DPP6: variants seen among roughly 807,000 people sequenced by gnomAD.
DPP6 encodes the protein dipeptidyl peptidase like 6.
A neutral mutation model predicts 122.6 loss-of-function variants in DPP6; 69 were observed. The observed-to-expected ratio is 0.56, with a 90% CI of 0.46 to 0.69. The LOEUF (loss-of-function observed/expected upper bound fraction) is 0.69. Ranked by LOEUF, DPP6 falls within the 30% of genes least tolerant of loss-of-function variation. The pLI is 0.00. For missense variants in DPP6, 928 were observed against 1,116.9 expected (o/e 0.83, Z 2.41); for synonymous variants, 418 against 433.1 (o/e 0.97, Z 0.43).
chr7:153,790,500 A>G, the DPP6 span, among the ~76,000 whole-genome samples: 1 of 152,182 alleles, frequency 6.6e-6, no homozygotes, highest in Non-Finnish European at 1.5e-5. Flanking sequence ...GTTTAATTGT[A>G]TTTGGCTTTA....
intron 3 of DPP6, among the ~76,000 whole-genome samples, chr7:154,504,760 A>G (rs1298071697): frequency 6.6e-6 from 1 of 152,042 alleles, no homozygotes; most frequent in Non-Finnish European, 1.5e-5. Context: ...TTGGTTAAAA[A>G]GACAAAACGG....
intron 5 of DPP6, among the ~76,000 whole-genome samples, chr7:154,629,188 G>A (rs1373950037): frequency 1.3e-5 from 2 of 152,088 alleles, no homozygotes; most frequent in East Asian, 1.9e-4. Flanking sequence ...AGCACCTAAC[G>A]GAACTTCTTT....
chr7:153,946,998 C>A (rs913497112), intron 1 of DPP6, among the ~76,000 whole-genome samples: 1 of 152,102 alleles, frequency 6.6e-6, no homozygotes, highest in Admixed American at 6.5e-5. Context: ...GTTTCAGTCC[C>A]GTCTTTGCTG....
intron 1 of DPP6, among the ~76,000 whole-genome samples, chr7:154,396,267 C>A (rs1490455787): frequency 6.6e-6 from 1 of 152,148 alleles, no homozygotes; most frequent in Middle Eastern, 3.2e-3. Flanking sequence ...AGATGAGAAA[C>A]CAGGGCTGAG....
At chr7:153,915,070 T>C (rs768334077) in intron 1 of DPP6, among the ~76,000 whole-genome samples, 2 of 152,230 alleles carry the variant, frequency 1.3e-5, no homozygotes, top group Non-Finnish European at 2.9e-5. Context: ...GTGATTTCTC[T>C]TGGAGGAAGT....
At chr7:154,471,207 C>T (rs553198301) in intron 2 of DPP6, among the ~76,000 whole-genome samples, 22 of 152,168 alleles carry the variant, frequency 1.4e-4, no homozygotes, top group Admixed American at 1.0e-3. Context: ...GCCAAGATTG[C>T]GCCACCACAC....
intron 1 of DPP6, among the ~76,000 whole-genome samples, chr7:154,112,937 C>T (rs1181030579): frequency 1.3e-4 from 20 of 152,316 alleles, no homozygotes; most frequent in Non-Finnish European, 2.5e-4. Flanking sequence ...ACTCTCTGTA[C>T]AAGTCTGCCT....
intron 1 of DPP6, among the ~76,000 whole-genome samples, chr7:154,312,063 TGAA>T (rs1806945302): frequency 6.6e-6 from 1 of 152,170 alleles, no homozygotes; most frequent in Admixed American, 6.5e-5. Context: ...TAAGGAATAA[TGAA>T]GGTGAGGTCA....
chr7:154,041,101 A>G (rs1389398841), intron 1 of DPP6, among the ~76,000 whole-genome samples: 1 of 151,878 alleles, frequency 6.6e-6, no homozygotes, highest in Non-Finnish European at 1.5e-5. Context: ...TCCTTCCTCT[A>G]CCCTCCTCTT....
Position 154,627,000 on chromosome 7 carries a change from C to CTTTTTTTTTTTTT in DPP6, c.628-10802_628-10790dup, listed in dbSNP as rs552919287. Among the ~76,000 whole-genome samples, 5 of 52,104 alleles carry CTTTTTTTTTTTTT rather than the reference C, an allele frequency of 9.6e-5. 1 individual carries two copies. The highest frequency in any genetic ancestry group is 1.3e-4 in the Non-Finnish European group (4 of 29,792). The allele number at this position is 52,104 out of a possible 152,430, so 34.2% of individuals were successfully genotyped here. ...ATCTGGGGTCCATTAGAAATTTTTT[C>CTTTTTTTTTTTTT]TTTTTTTTTTTTTTTTTTTTTTTTT... On this transcript the variant is annotated intron_variant, in intron 5 of 25. Coordinates refer to ENST00000377770, the MANE Select transcript of DPP6 (RefSeq NM_130797.4).
chr7:153,772,034 A>C, the DPP6 span, among the ~76,000 whole-genome samples: 1 of 152,300 alleles, frequency 6.6e-6, no homozygotes, highest in African/African-American at 2.4e-5. Flanking sequence ...ATCTTATAAC[A>C]GTACGTTCCC....
At chr7:153,773,981 AAG>A in the DPP6 span, among the ~76,000 whole-genome samples, 20 of 152,116 alleles carry the variant, frequency 1.3e-4, no homozygotes, top group Non-Finnish European at 2.6e-4. Flanking sequence ...GAGAAAATAA[AAG>A]ACATAAATTT....
the DPP6 span, among the ~76,000 whole-genome samples, chr7:153,881,169 A>G: frequency 8.3e-4 from 126 of 152,386 alleles, no homozygotes; most frequent in African/African-American, 2.9e-3. Context: ...CTCATCAGTC[A>G]GTGTGAAAGT....
chr7:154,570,576 C>A (rs1831045364), intron 5 of DPP6, among the ~76,000 whole-genome samples: 1 of 152,152 alleles, frequency 6.6e-6, no homozygotes, highest in Non-Finnish European at 1.5e-5. Context: ...TCTATCAAAT[C>A]CACAAAATAT....
intron 1 of DPP6, among the ~76,000 whole-genome samples, chr7:153,981,479 G>C (rs944705300): frequency 6.6e-6 from 1 of 152,112 alleles, no homozygotes; most frequent in African/African-American, 2.4e-5. Flanking sequence ...ATACCAGTGG[G>C]TCTTGACTCT....
At chr7:154,451,278 T>C (rs1203694120) in intron 2 of DPP6, among the ~76,000 whole-genome samples, 1 of 149,118 alleles carries the variant, frequency 6.7e-6, no homozygotes, top group Non-Finnish European at 1.5e-5. Flanking sequence ...GAGAATGGCT[T>C]GAACCCAGGA....
intron 1 of DPP6, among the ~76,000 whole-genome samples, chr7:154,129,912 A>AG: frequency 1.3e-5 from 2 of 150,504 alleles, no homozygotes. Context: ...AAAAAAAAAA[A>AG]GAAAAAGAAA....
At chr7:153,980,930 G>A (rs1055309246) in intron 1 of DPP6, among the ~76,000 whole-genome samples, 21 of 152,194 alleles carry the variant, frequency 1.4e-4, no homozygotes, top group Middle Eastern at 3.4e-3. Context: ...TTTAATTTCC[G>A]TTCTTTTGCA....
intron 7 of DPP6, among the ~76,000 whole-genome samples, chr7:154,709,125 T>A (rs887047991): frequency 2.6e-5 from 4 of 152,198 alleles, no homozygotes; most frequent in African/African-American, 9.6e-5. Context: ...GGCCTTAGTT[T>A]TATTAAAAAC....
Sources: allele counts gnomAD v4.1 joint callset (sites outside exome capture counted in the v4.1 genomes callset), GRCh38; gene constraint gnomAD v4.1.1; transcripts MANE v1.5; gene names NCBI Gene and HGNC (gene_info 2026-07-23, HGNC 2026-07-21).